CHST9: variants seen among roughly 807,000 people sequenced by gnomAD.
The protein encoded by CHST9 is carbohydrate sulfotransferase 9, also known as GalNAc-4-sulfotransferase 2.
A neutral mutation model predicts 44.4 loss-of-function variants in CHST9; 41 were observed. The ratio of observed to expected loss-of-function variants is 0.92; its 90% CI spans 0.72 to 1.20. CHST9 has a LOEUF of 1.20. Among genes scored for constraint, CHST9 ranks in the 50% most tolerant of loss-of-function variants. CHST9 has a pLI of 0.00. For missense variants in CHST9, 504 were observed against 516.5 expected (o/e 0.98, Z 0.23); for synonymous variants, 171 against 178.4 (o/e 0.96, Z 0.33).
At chr18:27,169,498 T>G (rs910803921) in intron 1 of CHST9, among the ~76,000 whole-genome samples, 7 of 151,812 alleles carry the variant, frequency 4.6e-5, no homozygotes, top group Non-Finnish European at 8.8e-5. Context: ...TCAGACAAAA[T>G]TAGCAAGAAA....
chr18:26,932,203 C>T (rs1472583197), intron 5 of CHST9, among the ~76,000 whole-genome samples: 1 of 152,174 alleles, frequency 6.6e-6, no homozygotes. Context: ...GTACTAGGCT[C>T]TTGCTCCTGG....
At chr18:26,963,100 C>T (rs1206181562) in intron 4 of CHST9, among the ~76,000 whole-genome samples, 3 of 152,052 alleles carry the variant, frequency 2.0e-5, no homozygotes, top group Non-Finnish European at 4.4e-5. Context: ...TATTATGTAC[C>T]GGGCACTGTA....
At chr18:27,063,963 C>T (rs999010383) in intron 2 of CHST9, among the ~76,000 whole-genome samples, 4 of 152,006 alleles carry the variant, frequency 2.6e-5, no homozygotes, top group African/African-American at 9.7e-5. Context: ...GGAGGAGAAG[C>T]CAATCCCAAA....
chr18:27,098,979 T>C (rs1296601950), intron 2 of CHST9, among the ~76,000 whole-genome samples: 1 of 152,074 alleles, frequency 6.6e-6, no homozygotes, highest in Non-Finnish European at 1.5e-5. Flanking sequence ...CCAAACAAGA[T>C]GGTACTGGTA....
At chr18:27,056,109 A>G (rs907934677) in intron 2 of CHST9, among the ~76,000 whole-genome samples, 3 of 152,190 alleles carry the variant, frequency 2.0e-5, no homozygotes, top group African/African-American at 4.8e-5. Flanking sequence ...ATTTGTTTGA[A>G]TGAAACAATT....
chr18:26,974,318 T>C (rs2056590273), intron 4 of CHST9, among the ~76,000 whole-genome samples: 1 of 152,134 alleles, frequency 6.6e-6, no homozygotes, highest in Non-Finnish European at 1.5e-5. Flanking sequence ...AAGAGGTGAA[T>C]GCAACACTTT....
At chr18:26,983,734 GTGCTGA>G (rs2056721209) in intron 4 of CHST9, among the ~76,000 whole-genome samples, 1 of 152,160 alleles carries the variant, frequency 6.6e-6, no homozygotes, top group Non-Finnish European at 1.5e-5. Context: ...GTTTTAGGTA[GTGCTGA>G]TATTATTGAT....
chr18:26,968,188 C>T (rs1307969443), intron 4 of CHST9, among the ~76,000 whole-genome samples: 1 of 152,132 alleles, frequency 6.6e-6, no homozygotes. Flanking sequence ...CCCATTTGTT[C>T]TATCCCTCCA....
intron 1 of CHST9, among the ~76,000 whole-genome samples, chr18:27,145,040 G>A (rs2058600360): frequency 6.6e-6 from 1 of 151,994 alleles, no homozygotes; most frequent in African/African-American, 2.4e-5. Context: ...CAAAGATAAT[G>A]TAAGAATTCA....
chr18:26,956,420 T>C (rs1037064986), intron 4 of CHST9, among the ~76,000 whole-genome samples: 12 of 147,466 alleles, frequency 8.1e-5, no homozygotes, highest in Non-Finnish European at 1.6e-4. Flanking sequence ...TACACAATTA[T>C]ATAATCACTA....
At chr18:27,086,759 G>T (rs1439547494) in intron 2 of CHST9, among the ~76,000 whole-genome samples, 1 of 152,070 alleles carries the variant, frequency 6.6e-6, no homozygotes, top group East Asian at 1.9e-4. Context: ...TTTGGAGAAA[G>T]TGAGTATACT....
intron 2 of CHST9, among the ~76,000 whole-genome samples, chr18:27,142,185 G>A (rs1417436831): frequency 6.6e-6 from 1 of 152,164 alleles, no homozygotes; most frequent in African/African-American, 2.4e-5. Context: ...GGTAGAGATG[G>A]TATGGCCTGC....
At chr18:27,036,488 G>T (rs1568143159) in intron 3 of CHST9, among the ~76,000 whole-genome samples, 4 of 152,162 alleles carry the variant, frequency 2.6e-5, no homozygotes, top group Admixed American at 2.6e-4. Context: ...AGAGGCACAG[G>T]TGCTGTGTTT....
chr18:26,982,153 C>A (rs748116640), intron 4 of CHST9, among the ~76,000 whole-genome samples: 4 of 152,172 alleles, frequency 2.6e-5, no homozygotes, highest in Admixed American at 1.3e-4. Flanking sequence ...AATTCTGAGT[C>A]CCTCAACACT....
chr18:27,131,028 T>C (rs979604382), intron 2 of CHST9, among the ~76,000 whole-genome samples: 3 of 152,156 alleles, frequency 2.0e-5, no homozygotes, highest in Admixed American at 1.3e-4. Context: ...GAAACCATCA[T>C]GTACAGAGAC....
At chr18:26,974,966 C>T (rs565234586) in intron 4 of CHST9, among the ~76,000 whole-genome samples, 1 of 152,320 alleles carries the variant, frequency 6.6e-6, no homozygotes, top group African/African-American at 2.4e-5. Context: ...TGAGCCACTG[C>T]GCCCAGCCCA....
At chr18:27,044,061 C>T (rs965493755) in intron 3 of CHST9, among the ~76,000 whole-genome samples, 1 of 35,488 alleles carries the variant, frequency 2.8e-5, no homozygotes, top group Non-Finnish European at 5.5e-5. Flanking sequence ...GCGAGCCCTT[C>T]CCCCCCCTTT....
At chr18:26,931,876 G>A (rs2055884052) in intron 5 of CHST9, among the ~76,000 whole-genome samples, 1 of 152,096 alleles carries the variant, frequency 6.6e-6, no homozygotes, top group South Asian at 2.1e-4. Context: ...TTTATAATGG[G>A]CAATTAATTG....
At chr18:27,124,437 A>G (rs1185825009) in intron 2 of CHST9, among the ~76,000 whole-genome samples, 1 of 152,250 alleles carries the variant, frequency 6.6e-6, no homozygotes, top group Non-Finnish European at 1.5e-5. Flanking sequence ...ATACGTTTGG[A>G]TGATTTCAAA....
Sources: allele counts gnomAD v4.1 joint callset (sites outside exome capture counted in the v4.1 genomes callset), GRCh38; gene constraint gnomAD v4.1.1; transcripts MANE v1.5; gene names NCBI Gene and HGNC (gene_info 2026-07-23, HGNC 2026-07-21).